Variants in SLC12A4 observed in about 807,000 individuals in gnomAD.
SLC12A4 encodes the protein electroneutral potassium-chloride cotransporter 1.
Under a neutral mutation model 119.2 loss-of-function variants are expected in SLC12A4, and 84 were observed. The ratio of observed to expected loss-of-function variants is 0.70; its 90% CI spans 0.59 to 0.85. The LOEUF (loss-of-function observed/expected upper bound fraction) is 0.85. Ranked by LOEUF, SLC12A4 falls within the 40% of genes least tolerant of loss-of-function variation. The pLI, the probability that SLC12A4 is intolerant of heterozygous loss-of-function variation, is 0.00. For synonymous variants in SLC12A4, 599 were observed against 604.6 expected (o/e 0.99, Z 0.14); for missense variants, 1,298 against 1,476.3 (o/e 0.88, Z 1.98).
At chr16:67,947,172 T>C in intron 16 of SLC12A4, 67 bp from the exon 17 acceptor site, 1 of 1,529,342 alleles carries the variant, frequency 6.5e-7, no homozygotes, top group Non-Finnish European at 8.8e-7. Context: ...CTCCTCTTCT[T>C]CCCTTCTCGG....
At position 67,946,036 on chromosome 16, in the gene SLC12A4, T is replaced by C; in HGVS notation, c.2654A>G (p.Asp885Gly). The C allele has an allele frequency of 6.2e-7, 1 of 1,614,028 alleles. No homozygotes were observed. Among genetic ancestry groups the C allele is most frequent in the Non-Finnish European group, 8.5e-7 (1 of 1,180,012 alleles). Reference protein sequence around the residue: ...RMRIFTVAQMDDNSIQMKKDL... With the variant: ...RMRIFTVAQMGDNSIQMKKDL... Reference sequence around the variant, plus strand: ...CTTCTTCATCTGGATGCTGTTGTCATCCATCTGGGCCACTGTGAAGATGCG... The same window carrying C: ...CTTCTTCATCTGGATGCTGTTGTCACCCATCTGGGCCACTGTGAAGATGCG... Residue 885 changes from aspartate (D) to glycine (G), a missense_variant, in exon 20 of 24, where the codon GAT becomes GGT. Transcript: ENST00000316341.
chr16:67,952,420 G>A lies in SLC12A4; in HGVS notation c.681C>T (p.Tyr227=), dbSNP rs1427725171. The change falls in exon 7 of 24, where the codon TAC becomes TAT. Residue 227 remains tyrosine, a synonymous_variant. Coordinates refer to ENST00000316341, the MANE Select transcript of SLC12A4 (RefSeq NM_005072.5). The part of the protein sequence containing the change: ...ILGAIEILLT[Y]IAPPAAIFYP... Reference sequence around the variant, plus strand: ...AAAAAATGGCAGCTGGTGGGGCAATGTAGGTCTGAAACAAGAAGATGGATA... The same window carrying A: ...AAAAAATGGCAGCTGGTGGGGCAATATAGGTCTGAAACAAGAAGATGGATA... 6.2e-7 allele frequency: 1 copy of A among 1,613,944 alleles called. No homozygotes were observed. The highest frequency in any genetic ancestry group is 8.5e-7 in the Non-Finnish European group (1 of 1,179,894).
At chr16:67,967,498 T>C (rs557699348) in intron 1 of SLC12A4, among the ~76,000 whole-genome samples, 99 of 152,274 alleles carry the variant, frequency 6.5e-4, no homozygotes, top group South Asian at 1.7e-3. Context: ...CAATTACACA[T>C]GCATATGCCA....
At chr16:67,968,229 C>A (rs2030949080) in intron 1 of SLC12A4, among the ~76,000 whole-genome samples, 1 of 151,994 alleles carries the variant, frequency 6.6e-6, no homozygotes, top group Non-Finnish European at 1.5e-5. Flanking sequence ...GTGGAGAAAG[C>A]GGCCGGGCGC....
intron 1 of SLC12A4, among the ~76,000 whole-genome samples, 199 bp downstream of exon 1, chr16:67,968,240 G>C (rs1370661462): frequency 6.6e-6 from 1 of 152,024 alleles, no homozygotes; most frequent in Non-Finnish European, 1.5e-5. Context: ...GGCCGGGCGC[G>C]GGCGCCGGGG....
intron 13 of SLC12A4, among the ~76,000 whole-genome samples, chr16:67,948,843 T>TG (rs543177403): frequency 9.0e-4 from 133 of 147,644 alleles, no homozygotes; most frequent in African/African-American, 3.2e-3. Context: ...GGAAGGGGTG[T>TG]GGGGGGGTGG....
At chr16:67,965,381 TCTTA>T (rs2030819784) in intron 1 of SLC12A4, among the ~76,000 whole-genome samples, 1 of 152,180 alleles carries the variant, frequency 6.6e-6, no homozygotes, top group African/African-American at 2.4e-5. Context: ...ATACAGCTCG[TCTTA>T]CTTCTCTTTC....
intron 2 of SLC12A4, chr16:67,962,836 CA>C (rs1368881150): frequency 2.0e-5 from 3 of 152,036 alleles, no homozygotes; most frequent in African/African-American, 7.3e-5. Flanking sequence ...GACTCCATCT[CA>C]AAATGAAGAA....
rs757190037 is a variant in SLC12A4 at position 67,951,041 on chromosome 16, G to C, written c.1317C>G (p.Asn439Lys). 1 of 1,613,970 alleles carries C rather than the reference G, an allele frequency of 6.2e-7. No individual in the cohort carries two copies. The highest frequency in any genetic ancestry group is 8.5e-7 in the Non-Finnish European group (1 of 1,180,010). The change falls in exon 10 of 24, where the codon AAC (asparagine) becomes AAG (lysine). Residue 439 changes from asparagine to lysine, a missense_variant. Physicochemically the swap from Asn to Lys is moderately conservative, Grantham distance 94. Coordinates refer to ENST00000316341, the MANE Select transcript of SLC12A4 (RefSeq NM_005072.5). This position sits in a 1 kb window ranked among gnomAD's most constrained non-coding sequence, Gnocchi z 5.2. Reference sequence around the variant, plus strand: ...GGGCGTCACGAAGGTCCCCAGAGCGGTTTGAGCCAGCCATGATGCCTCCAA... The same window carrying C: ...GGGCGTCACGAAGGTCCCCAGAGCGCTTTGAGCCAGCCATGATGCCTCCAA... Reference protein sequence around the residue: ...PSVTGIMAGSNRSGDLRDAQK... With the variant: ...PSVTGIMAGSKRSGDLRDAQK...
chr16:67,951,389 G>A lies in SLC12A4; in HGVS notation c.1133-85C>T. The A allele has an allele frequency of 6.8e-7, 1 of 1,461,988 alleles. No homozygotes were observed. The highest frequency in any genetic ancestry group is 2.0e-5 in the Admixed American group (1 of 50,042). 90.6% of individuals were successfully genotyped at this position (1,461,988 alleles called of 1,614,324 possible). ...CAGCCTAGCCAGAGGCGCAGATGCA[G>A]GGCAACTTTGGGGACTCAGGGAACA... On this transcript the variant is annotated intron_variant, in intron 8 of 23. Coordinates refer to ENST00000316341, the MANE Select transcript of SLC12A4 (RefSeq NM_005072.5). This position sits in a 1 kb window ranked among gnomAD's most constrained non-coding sequence, Gnocchi z 5.2.
At chr16:67,958,535 G>A (rs1414303056) in intron 3 of SLC12A4, among the ~76,000 whole-genome samples, 1 of 152,106 alleles carries the variant, frequency 6.6e-6, no homozygotes, top group Non-Finnish European at 1.5e-5. Flanking sequence ...TGGGGCACCT[G>A]GGTGGTACCC....
intron 15 of SLC12A4, 79 bp from the exon 16 acceptor site, chr16:67,947,514 T>G: frequency 6.6e-7 from 1 of 1,510,174 alleles, no homozygotes; most frequent in Non-Finnish European, 9.0e-7. Context: ...GTGGAGGGGT[T>G]CTGCCCCTCA....
At chr16:67,947,880 G>A (rs1380591218) in intron 14 of SLC12A4, 92 bp from the exon 15 acceptor site, 14 of 1,521,380 alleles carry the variant, frequency 9.2e-6, no homozygotes, top group Non-Finnish European at 1.2e-5. Flanking sequence ...TCAGGTCCCG[G>A]GTGGGAGGTC....
At chr16:67,966,908 AC>A in intron 1 of SLC12A4, 1 of 1,468,132 alleles carries the variant, frequency 6.8e-7, no homozygotes, top group Non-Finnish European at 9.1e-7. Context: ...CCCTCCAGTC[AC>A]CCTGTAGGGG....
intron 1 of SLC12A4, among the ~76,000 whole-genome samples, chr16:67,965,569 G>T (rs2030829143): frequency 6.6e-6 from 1 of 152,178 alleles, no homozygotes; most frequent in Non-Finnish European, 1.5e-5. Flanking sequence ...TGTGGAAGTA[G>T]GCTGGAAATC....
rs200924017 is a variant in SLC12A4, at chr16:67,946,420, C to T, written c.2437+18G>A. 41 of 1,603,662 alleles carry T rather than the reference C, an allele frequency of 2.6e-5. No homozygotes were observed. In the African/African-American group the frequency reaches 5.3e-4, roughly 21 times the overall value. On this transcript the variant is annotated intron_variant, in intron 18 of 23. Transcript: ENST00000316341. Reference sequence around the variant, plus strand: ...CCTCACTTCACCCCTGCCCACCAGGCCCCAGGCCTTCACACACCAATGAAG... The same window carrying T: ...CCTCACTTCACCCCTGCCCACCAGGTCCCAGGCCTTCACACACCAATGAAG...
rs780248824 is a variant in SLC12A4, at chr16:67,949,956, CCATTCCA to C, written c.1630-45_1630-39del. 6.7e-7 allele frequency: 1 copy of C among 1,494,668 alleles called. No homozygotes were observed. The highest frequency in any genetic ancestry group is 1.1e-5 in the South Asian group (1 of 88,268). 92.6% of individuals were successfully genotyped at this position (1,494,668 alleles called of 1,614,324 possible). On this transcript the variant is annotated intron_variant, in intron 12 of 23. Coordinates refer to ENST00000316341, the MANE Select transcript of SLC12A4 (RefSeq NM_005072.5). The surrounding 1 kb of genome is among the most constrained non-coding windows in gnomAD (Gnocchi z 4.6). ...GGAAGGAAGCTGGGTCCTGTCACCCCCATTCCACACCTTGGGCCCCAGACCCCAGCCT... is the reference window on the plus strand; with the variant it reads ...GGAAGGAAGCTGGGTCCTGTCACCCCCACCTTGGGCCCCAGACCCCAGCCT...
chr16:67,945,088 G>T lies in SLC12A4; in HGVS notation c.3165C>A (p.Asn1055Lys), dbSNP rs753929002. The change falls in exon 23 of 24, where the codon AAC becomes AAA. Residue 1055 changes from asparagine (N) to lysine (K), a missense_variant and splice_region_variant. Coordinates refer to ENST00000316341, the MANE Select transcript of SLC12A4 (RefSeq NM_005072.5). ...GCCTGCCTCTCCACAAAGGGATACA[G>T]TTCTCGTCGCCCTCACTGTTCCTGG... ...GPPRNSEGDENYMEFLEVLTE... is the reference protein window; with the variant it reads ...GPPRNSEGDEKYMEFLEVLTE... 1.3e-6 allele frequency: 2 copies of T among 1,579,864 alleles called. No individual in the cohort carries two copies. Among genetic ancestry groups the T allele is most frequent in the Non-Finnish European group, 1.7e-6 (2 of 1,160,640 alleles).
rs765667638 is a variant in SLC12A4, at chr16:67,944,877, C to A, written c.3221G>T (p.Arg1074Leu). The A allele has an allele frequency of 6.2e-7, 1 of 1,613,444 alleles. No homozygotes were observed. ...TEGLERVLLVRGGGREVITIY... is the reference protein window; with the variant it reads ...TEGLERVLLVLGGGREVITIY... The stretch of plus-strand genomic sequence containing the variant: ...GGTGATGACTTCACGGCCACCACCG[C>A]GCACCAACAGCACCCGCTCAAGGCC... The change falls in exon 24 of 24, where the codon CGC (arginine) becomes CTC (leucine). Residue 1074 changes from arginine to leucine, a missense_variant. Coordinates refer to ENST00000316341, the MANE Select transcript of SLC12A4 (RefSeq NM_005072.5). The surrounding 1 kb of genome is among the most constrained non-coding windows in gnomAD (Gnocchi z 6.6).
Sources: allele counts gnomAD v4.1 joint callset (sites outside exome capture counted in the v4.1 genomes callset), GRCh38; gene constraint gnomAD v4.1.1; non-coding constraint Gnocchi (gnomAD v3.1); transcripts MANE v1.5; gene names NCBI Gene and HGNC (gene_info 2026-07-23, HGNC 2026-07-21).